The following RGS22 variants were observed in gnomAD, a reference collection of about 807,000 sequenced individuals.
The protein encoded by RGS22 is regulator of G protein signaling 22, also known as regulator of G-protein signaling 22.
In RGS22, 148 loss-of-function variants were observed where a neutral mutation model predicts 172.9. The observed-to-expected ratio is 0.86, with a 90% CI of 0.75 to 0.98. The LOEUF is 0.98. RGS22 is among the 50% of genes least tolerant of loss of function. The pLI is 0.00. For synonymous variants in RGS22, 458 were observed against 480.2 expected, an observed-to-expected ratio of 0.95 and a Z score of 0.60; for missense variants, 1,347 against 1,440.8, an observed-to-expected ratio of 0.93 and a Z score of 1.05.
chr8:99,973,308 T>C (rs1002284885), intron 23 of RGS22, among the ~76,000 whole-genome samples: 1 of 152,154 alleles, frequency 6.6e-6, no homozygotes, highest in Non-Finnish European at 1.5e-5. Context: ...ATGTGGTGCA[T>C]ATATACCATG....
At chr8:99,961,321 A>C (rs7015420) in intron 27 of RGS22, 125 bp from the exon 28 acceptor site, 5,392 of 367,132 alleles carry the variant, frequency 0.015, 237 homozygotes, top group African/African-American at 0.1. Flanking sequence ...GTCCCCACCC[A>C]AATCTCATCT....
intron 23 of RGS22, among the ~76,000 whole-genome samples, chr8:99,973,736 G>C (rs1313979845): frequency 6.6e-6 from 1 of 151,816 alleles, no homozygotes; most frequent in Non-Finnish European, 1.5e-5. Context: ...GGGTGTAGTG[G>C]CGGGCGCCTG....
intron 14 of RGS22, among the ~76,000 whole-genome samples, chr8:100,013,869 C>T (rs1178000097): frequency 6.6e-6 from 1 of 152,140 alleles, no homozygotes; most frequent in Non-Finnish European, 1.5e-5. Flanking sequence ...TTACCAACAT[C>T]CCTAATTCCT....
intron 9 of RGS22, among the ~76,000 whole-genome samples, chr8:100,056,654 G>C (rs1482798302): frequency 6.6e-6 from 1 of 152,148 alleles, no homozygotes; most frequent in Non-Finnish European, 1.5e-5. Context: ...CTGAAGCCTT[G>C]GCAGCTTCCA....
intron 10 of RGS22, among the ~76,000 whole-genome samples, chr8:100,051,461 T>A (rs1410166172): frequency 2.0e-4 from 23 of 112,436 alleles, no homozygotes; most frequent in Non-Finnish European, 3.6e-4. Flanking sequence ...TTATATTATA[T>A]ATAAATATAT....
Position 100,101,865 on chromosome 8 carries a change from C to T in RGS22, c.54+3509G>A, listed in dbSNP as rs962660384. The stretch of plus-strand genomic sequence containing the variant: ...AAAAGCTAGTATGAACACAGGAGCA[C>T]GAAACCAAAAAAAAAAACTACTTAA... On this transcript the variant is annotated intron_variant, in intron 2 of 27. Transcript: ENST00000360863. Among the ~76,000 whole-genome samples the T allele has an allele frequency of 4.0e-5, 6 of 148,344 alleles. No individual in the cohort carries two copies. In the East Asian group the frequency reaches 7.8e-4, roughly 19 times the overall value.
chr8:100,104,961 G>A (rs1401380450), intron 2 of RGS22, among the ~76,000 whole-genome samples: 1 of 152,178 alleles, frequency 6.6e-6, no homozygotes, highest in African/African-American at 2.4e-5. Flanking sequence ...TGAAATGGGA[G>A]TATTTAGTAC....
At chr8:100,038,084 T>G (rs952503381) in intron 14 of RGS22, among the ~76,000 whole-genome samples, 1 of 152,214 alleles carries the variant, frequency 6.6e-6, no homozygotes, top group Non-Finnish European at 1.5e-5. Flanking sequence ...TTAGCATTGT[T>G]CAGGGGGAGG....
chr8:100,036,431 C>T (rs1336084349), intron 14 of RGS22, among the ~76,000 whole-genome samples: 1 of 152,132 alleles, frequency 6.6e-6, no homozygotes, highest in Admixed American at 6.5e-5. Flanking sequence ...ACTGATATAC[C>T]CTTCCCCATC....
intron 20 of RGS22, among the ~76,000 whole-genome samples, chr8:99,991,966 A>G (rs1441743519): frequency 6.6e-6 from 1 of 152,218 alleles, no homozygotes; most frequent in East Asian, 1.9e-4. Flanking sequence ...AATATTCAAC[A>G]TCCTCAGAGA....
chr8:100,036,891 G>A lies in RGS22; in HGVS notation c.2166+2040C>T, dbSNP rs566247232. Among the ~76,000 whole-genome samples, 39 of 152,106 alleles carry A rather than the reference G, an allele frequency of 2.6e-4. 1 individual carries two copies. The highest frequency in any genetic ancestry group is 2.4e-4 in the Non-Finnish European group (16 of 67,996). Reference sequence around the variant, plus strand: ...TGGGATTACAGGCATGAGCTAACACGCCTGGCCCATAGCAATTTTTACATA... The same window carrying A: ...TGGGATTACAGGCATGAGCTAACACACCTGGCCCATAGCAATTTTTACATA... On this transcript the variant is annotated intron_variant, in intron 14 of 27. Transcript: ENST00000360863.
At chr8:100,051,674 T>TAC (rs560484893) in intron 10 of RGS22, among the ~76,000 whole-genome samples, 15 of 43,590 alleles carry the variant, frequency 3.4e-4, no homozygotes, top group African/African-American at 1.7e-3. Flanking sequence ...TATTTATATA[T>TAC]GTTTATACAT....
chr8:99,980,914 T>C (rs1187446951), intron 22 of RGS22, among the ~76,000 whole-genome samples: 1 of 152,194 alleles, frequency 6.6e-6, no homozygotes, highest in Non-Finnish European at 1.5e-5. Flanking sequence ...TGTTTCTCTA[T>C]AGCACGTCCT....
intron 19 of RGS22, among the ~76,000 whole-genome samples, chr8:99,997,913 A>G (rs1814562952): frequency 6.6e-6 from 1 of 152,214 alleles, no homozygotes; most frequent in South Asian, 2.1e-4. Context: ...AAACATAAAC[A>G]GATGGATGGA....
intron 3 of RGS22, among the ~76,000 whole-genome samples, chr8:100,088,746 AAT>A (rs1212361996): frequency 6.6e-6 from 1 of 152,082 alleles, no homozygotes; most frequent in Non-Finnish European, 1.5e-5. Flanking sequence ...AATGGAAAGA[AAT>A]AGTGTAGGGG....
At chr8:100,029,165 A>G (rs1818498040) in intron 14 of RGS22, among the ~76,000 whole-genome samples, 1 of 152,128 alleles carries the variant, frequency 6.6e-6, no homozygotes, top group African/African-American at 2.4e-5. Context: ...TATTGCTAAC[A>G]ACCATGTGAA....
chr8:100,073,450 A>C (rs183330887), intron 4 of RGS22, among the ~76,000 whole-genome samples: 5 of 152,020 alleles, frequency 3.3e-5, no homozygotes, highest in African/African-American at 9.7e-5. Flanking sequence ...AACAAAAAAA[A>C]CATGTATTTG....
intron 14 of RGS22, among the ~76,000 whole-genome samples, chr8:100,011,007 G>C (rs1256721966): frequency 1.3e-5 from 2 of 151,838 alleles, no homozygotes; most frequent in East Asian, 2.0e-4. Flanking sequence ...TCGCACAATA[G>C]AGGAGGGTTG....
In RGS22 at chr8:100,071,378, T is replaced by C. The variant is rs1810961173; in HGVS notation, c.585A>G (p.Ser195=). ...ATGCTCATACTTTTACCTCACCAAG[T>C]GATACATAGAACTTTTTCATAATTA... is the stretch of plus-strand genomic sequence containing the variant. The part of the protein sequence containing the change: ...NLVIMKKFYV[S]LGEASYTQTK... Residue 195 remains serine, a synonymous_variant, in exon 6 of 28, where the codon TCA becomes TCG. Coordinates refer to ENST00000360863, the MANE Select transcript of RGS22 (RefSeq NM_015668.5). 6.2e-7 allele frequency: 1 copy of C among 1,607,098 alleles called. No individual in the cohort carries two copies. Among genetic ancestry groups the C allele is most frequent in the African/African-American group, 1.3e-5 (1 of 74,652 alleles).
Sources: allele counts gnomAD v4.1 joint callset (sites outside exome capture counted in the v4.1 genomes callset), GRCh38; gene constraint gnomAD v4.1.1; transcripts MANE v1.5; gene names NCBI Gene and HGNC (gene_info 2026-07-23, HGNC 2026-07-21).